THAP8: variants seen among roughly 807,000 people sequenced by gnomAD.
THAP8 encodes THAP domain containing 8, also known as THAP domain-containing protein 8.
THAP8 carries 24 observed loss-of-function variants against 25.0 expected under a neutral mutation model. That is an observed-to-expected ratio of 0.96 (90% CI 0.69 to 1.35). The LOEUF is 1.35. THAP8 is among the 40% of genes most tolerant of loss of function. THAP8 has a pLI of 0.00. For synonymous variants in THAP8, 169 were observed against 157.6 expected (o/e 1.07, Z -0.54); for missense variants, 399 against 368.8 (o/e 1.08, Z -0.67).
chr19:36,039,854 G>T, intron 2 of THAP8, 90 bp downstream of exon 2: 1 of 1,587,024 alleles, frequency 6.3e-7, no homozygotes, highest in Non-Finnish European at 8.6e-7. Context: ...GTCAGGAGGG[G>T]AGGGCCAAAG....
intron 1 of THAP8, among the ~76,000 whole-genome samples, chr19:36,052,011 GCCCT>G (rs2145462400): frequency 6.6e-6 from 1 of 151,722 alleles, no homozygotes; most frequent in East Asian, 1.9e-4. Context: ...GATCTAGGTT[GCCCT>G]CCATTTTTTT....
chr19:36,036,650 G>A (rs1285578401), intron 3 of THAP8, among the ~76,000 whole-genome samples: 4 of 151,996 alleles, frequency 2.6e-5, no homozygotes, highest in Admixed American at 2.0e-4. Context: ...CTATCAATCT[G>A]AGACTCCTGG....
In THAP8 at chr19:36,035,191, T is replaced by A. The variant is rs954624082; in HGVS notation, c.*249A>T. 1 of 454,182 alleles carries A rather than the reference T, an allele frequency of 2.2e-6. No homozygotes were observed. The highest frequency in any genetic ancestry group is 1.9e-5 in the African/African-American group (1 of 51,464). 28.1% of individuals were successfully genotyped at this position (454,182 alleles called of 1,614,324 possible). On this transcript the variant is annotated 3_prime_UTR_variant, in exon 4 of 4. Coordinates refer to ENST00000292894, the MANE Select transcript of THAP8 (RefSeq NM_152658.3). The stretch of plus-strand genomic sequence containing the variant: ...CTCTGCTCTGAGGCTGTCGTACTGA[T>A]TTGCAAAGATCTGAGCCGGGGGTGG...
At chr19:36,036,295 A>ATTTTTTTT (rs1245858015) in intron 3 of THAP8, among the ~76,000 whole-genome samples, 71 of 46,828 alleles carry the variant, frequency 1.5e-3, no homozygotes, top group South Asian at 7.5e-3. Flanking sequence ...TTTTTTTTTG[A>ATTTTTTTT]GACAGAGTCT....
At chr19:36,043,205 G>C (rs1254268590) in intron 1 of THAP8, among the ~76,000 whole-genome samples, 1 of 152,206 alleles carries the variant, frequency 6.6e-6, no homozygotes, top group African/African-American at 2.4e-5. Context: ...TGGGATTACA[G>C]GTGTGAGCCA....
chr19:36,053,240 G>A (rs1468702802), intron 1 of THAP8, among the ~76,000 whole-genome samples: 1 of 151,406 alleles, frequency 6.6e-6, no homozygotes, highest in Non-Finnish European at 1.5e-5. Flanking sequence ...TCTAATTTTT[G>A]TATTTTTAGT....
In THAP8 at chr19:36,039,436, G is replaced by A; in HGVS notation, c.559C>T (p.Leu187=). 6.3e-7 allele frequency: 1 copy of A among 1,587,014 alleles called. No homozygotes were observed. The highest frequency in any genetic ancestry group is 1.3e-5 in the African/African-American group (1 of 74,392). Residue 187 remains leucine (L), a synonymous_variant, in exon 3 of 4, where the codon CTG becomes TTG. Transcript: ENST00000292894. ...LGALQRRVRR[L]QRCQERHQAQ... ...TGGTGCCGCTCCTGGCACCGTTGCA[G>A]CCTCCGCACCCGGCGTTGCAGTGCT...
chr19:36,042,210 C>T lies in THAP8; in HGVS notation c.84-2074G>A, dbSNP rs186527586. ...AAAACGGTGCTGCCACTGTGGAAAA[C>T]AATATGGCAGTTCCTCAAACACTGA... On this transcript the variant is annotated intron_variant, in intron 1 of 3. Coordinates refer to ENST00000292894, the MANE Select transcript of THAP8 (RefSeq NM_152658.3). Among the ~76,000 whole-genome samples, 9 of 152,326 alleles carry T rather than the reference C, an allele frequency of 5.9e-5. No homozygotes were observed. In the East Asian group the frequency reaches 1.7e-3, roughly 29 times the overall value.
At chr19:36,038,783 A>G (rs951691792) in intron 3 of THAP8, among the ~76,000 whole-genome samples, 2 of 151,676 alleles carry the variant, frequency 1.3e-5, no homozygotes, top group Non-Finnish European at 2.9e-5. Context: ...CCTGGGAGGC[A>G]GAGGCTGCAG....
intron 1 of THAP8, among the ~76,000 whole-genome samples, chr19:36,047,699 G>A (rs1969923888): frequency 6.6e-6 from 1 of 151,992 alleles, no homozygotes; most frequent in Non-Finnish European, 1.5e-5. Flanking sequence ...ACATGCGCCT[G>A]TAATTCTATA....
chr19:36,040,557 C>A (rs1969656873), intron 1 of THAP8, among the ~76,000 whole-genome samples: 1 of 152,144 alleles, frequency 6.6e-6, no homozygotes, highest in Admixed American at 6.6e-5. Flanking sequence ...GAACTCCTGA[C>A]CTCAGGTGAT....
At position 36,049,115 on chromosome 19, in the gene THAP8, G is replaced by A. The variant is rs544444743; in HGVS notation, c.83+5020C>T. On this transcript the variant is annotated intron_variant, in intron 1 of 3. Transcript: ENST00000292894. ...TAGCCAGGCATGGTGGCACATGCCT[G>A]TAGTCCCAGCTACTCAGGAGGCTGA... 2.5e-4 allele frequency among the ~76,000 whole-genome samples: 38 copies of A among 152,150 alleles called. No homozygotes were observed. In the South Asian group the frequency reaches 7.3e-3, roughly 29 times the overall value.
At chr19:36,051,042 T>C (rs975093667) in intron 1 of THAP8, among the ~76,000 whole-genome samples, 7 of 152,148 alleles carry the variant, frequency 4.6e-5, no homozygotes, top group Admixed American at 2.0e-4. Flanking sequence ...GGGGAGATAA[T>C]GAATGAATAC....
At position 36,039,578 on chromosome 19, in the gene THAP8, G is replaced by T; in HGVS notation, c.417C>A (p.Ser139Arg). Residue 139 changes from serine to arginine, a missense_variant, in exon 3 of 4, where the codon AGC (serine) becomes AGA (arginine). Transcript: ENST00000292894. ...RLVVLGPTSG[S>R]PKTVATMLLT... Reference sequence around the variant, plus strand: ...GGAGCATGGTGGCCACAGTCTTGGGGCTCCCCGATGTGGGGCCCAGCACCA... The same window carrying T: ...GGAGCATGGTGGCCACAGTCTTGGGTCTCCCCGATGTGGGGCCCAGCACCA... 6.6e-7 allele frequency: 1 copy of T among 1,515,594 alleles called. No individual in the cohort carries two copies. Among genetic ancestry groups the T allele is most frequent in the Non-Finnish European group, 8.9e-7 (1 of 1,127,630 alleles). The allele number at this position is 1,515,594 out of a possible 1,614,324, so 93.9% of individuals were successfully genotyped here.
intron 1 of THAP8, among the ~76,000 whole-genome samples, chr19:36,053,863 C>CT (rs1568558087): frequency 2.6e-5 from 4 of 151,844 alleles, no homozygotes; most frequent in African/African-American, 7.3e-5. Context: ...TGCAGGCTCT[C>CT]TAACAGCCTG....
At position 36,035,189 on chromosome 19, in the gene THAP8, G is replaced by C; in HGVS notation, c.*251C>G. On this transcript the variant is annotated 3_prime_UTR_variant, in exon 4 of 4. Transcript: ENST00000292894. ...TGCTCTGCTCTGAGGCTGTCGTACT[G>C]ATTTGCAAAGATCTGAGCCGGGGGT... The C allele has an allele frequency of 2.2e-6, 1 of 455,722 alleles. No individual in the cohort carries two copies. The highest frequency in any genetic ancestry group is 3.9e-5 in the South Asian group (1 of 25,912). The allele number at this position is 455,722 out of a possible 1,614,324, so 28.2% of individuals were successfully genotyped here. A position where few individuals can be genotyped will look rare whatever the true frequency, so the allele number is the denominator to read the frequency against.
upstream of THAP8, chr19:36,054,396 G>A (rs1970222886): frequency 1.4e-6 from 1 of 690,646 alleles, no homozygotes; most frequent in Non-Finnish European, 2.5e-6. Flanking sequence ...CCTCCACAGT[G>A]CCACAGTCCC....
At chr19:36,037,872 T>A (rs1969532755) in intron 3 of THAP8, among the ~76,000 whole-genome samples, 1 of 152,096 alleles carries the variant, frequency 6.6e-6, no homozygotes, top group African/African-American at 2.4e-5. Flanking sequence ...ACTCCTGACC[T>A]CGTGATCTGC....
intron 3 of THAP8, among the ~76,000 whole-genome samples, 194 bp from the exon 4 acceptor site, chr19:36,035,786 G>C (rs1001925230): frequency 6.6e-6 from 1 of 152,056 alleles, no homozygotes; most frequent in Non-Finnish European, 1.5e-5. Context: ...GGAAAGGAAA[G>C]AAGGGTGGGG....
Sources: allele counts gnomAD v4.1 joint callset (sites outside exome capture counted in the v4.1 genomes callset), GRCh38; gene constraint gnomAD v4.1.1; transcripts MANE v1.5; gene names NCBI Gene and HGNC (gene_info 2026-07-23, HGNC 2026-07-21).